Variants in RGS9 observed in about 807,000 individuals in gnomAD.
RGS9 encodes the protein regulator of G-protein signalling 9.
A neutral mutation model predicts 102.0 loss-of-function variants in RGS9; 78 were observed. That is an observed-to-expected ratio of 0.76 (90% CI 0.64 to 0.92). RGS9 has a LOEUF of 0.92. Among genes scored for constraint, RGS9 ranks in the 40% least tolerant of loss-of-function variants. The pLI is 0.00. For synonymous variants in RGS9, 353 were observed against 318.6 expected, an observed-to-expected ratio of 1.11 and a Z score of -1.15; for missense variants, 833 against 866.1, an observed-to-expected ratio of 0.96 and a Z score of 0.48.
At chr17:65,225,620 C>A (rs1223505942) in intron 18 of RGS9, 134 bp downstream of exon 18, 1 of 1,288,580 alleles carries the variant, frequency 7.8e-7, no homozygotes, top group Non-Finnish European at 1.1e-6. Context: ...CACTCAGATC[C>A]CTTGGCCACT....
intron 17 of RGS9, among the ~76,000 whole-genome samples, chr17:65,224,790 G>A (rs998873057): frequency 2.0e-5 from 3 of 152,184 alleles, no homozygotes; most frequent in South Asian, 2.1e-4. Context: ...AGGGCTGGGC[G>A]ACAGGCAGGT....
intron 12 of RGS9, among the ~76,000 whole-genome samples, chr17:65,195,407 G>A (rs1370643403): frequency 6.6e-6 from 1 of 152,122 alleles, no homozygotes; most frequent in Non-Finnish European, 1.5e-5. Context: ...AAAGTGGGAA[G>A]CCCTGTTCTT....
At chr17:65,143,845 C>CTTAG (rs1314142108) in intron 1 of RGS9, among the ~76,000 whole-genome samples, 2 of 148,688 alleles carry the variant, frequency 1.3e-5, no homozygotes, top group Non-Finnish European at 3.0e-5. Context: ...TGCCTGTAGT[C>CTTAG]TTAGCTATGG....
At chr17:65,187,740 G>T (rs539026516) in intron 9 of RGS9, among the ~76,000 whole-genome samples, 1 of 152,212 alleles carries the variant, frequency 6.6e-6, no homozygotes, top group Admixed American at 6.5e-5. Flanking sequence ...GCTCACGCCT[G>T]TAATCCCAGC....
At chr17:65,160,734 G>A (rs1598571921) in intron 5 of RGS9, 117 bp from the exon 6 acceptor site, 2 of 1,381,942 alleles carry the variant, frequency 1.4e-6, no homozygotes, top group East Asian at 2.3e-5. Context: ...GGGGCAAGGG[G>A]CTGGGTGTGC....
intron 8 of RGS9, among the ~76,000 whole-genome samples, chr17:65,169,139 T>C (rs1224645436): frequency 6.6e-6 from 1 of 152,204 alleles, no homozygotes; most frequent in African/African-American, 2.4e-5. Flanking sequence ...GAGTGAGGCC[T>C]GGTGTCAGAG....
intron 11 of RGS9, among the ~76,000 whole-genome samples, chr17:65,192,173 C>T (rs986993470): frequency 2.0e-5 from 3 of 152,140 alleles, no homozygotes; most frequent in Non-Finnish European, 4.4e-5. Context: ...TTAGCATATC[C>T]ATCATCTCAA....
rs149130785 is a variant in RGS9 at position 65,214,965 on chromosome 17, C to T, written c.1407+4360C>T. Among the ~76,000 whole-genome samples the T allele has an allele frequency of 5.9e-5, 9 of 152,272 alleles. No individual in the cohort carries two copies. The East Asian group carries it at 1.3e-3, about 23-fold the overall frequency. On this transcript the variant is annotated intron_variant, in intron 17 of 18. Transcript: ENST00000262406. Reference sequence around the variant, plus strand: ...TCTGTCTGTGAATGCTGCACTGTATCGAAACATTGTTTATGTGTCTTTTTC... The same window carrying T: ...TCTGTCTGTGAATGCTGCACTGTATTGAAACATTGTTTATGTGTCTTTTTC...
chr17:65,137,567 G>C lies in RGS9; in HGVS notation c.27G>C (p.Gln9His). MTIRHQGQ[Q>H]YRPRMAFLQK... The stretch of plus-strand genomic sequence containing the variant: ...TGACAATCCGACACCAAGGCCAGCA[G>C]TACAGGCCGAGGATGGCATTTCTCC... Residue 9 changes from glutamine (Q) to histidine (H), a missense_variant, in exon 1 of 19, where the codon CAG becomes CAC. By Grantham distance (24) the Gln-to-His change is conservative (BLOSUM62 0). Transcript: ENST00000262406. The C allele has an allele frequency of 1.9e-6, 3 of 1,613,002 alleles. No individual in the cohort carries two copies. The highest frequency in any genetic ancestry group is 2.5e-6 in the Non-Finnish European group (3 of 1,180,002).
intron 12 of RGS9, among the ~76,000 whole-genome samples, chr17:65,196,325 G>A (rs1912583898): frequency 6.6e-6 from 1 of 152,240 alleles, no homozygotes. Context: ...GACATGAATT[G>A]TGCCTGGTTC....
At chr17:65,199,210 G>A (rs1447761782) in intron 13 of RGS9, among the ~76,000 whole-genome samples, 6 of 152,168 alleles carry the variant, frequency 3.9e-5, no homozygotes, top group Admixed American at 6.5e-5. Flanking sequence ...AGGGGTTTTA[G>A]TGTATTCACT....
chr17:65,208,845 A>AAAC (rs938024090), intron 16 of RGS9, among the ~76,000 whole-genome samples: 3 of 152,050 alleles, frequency 2.0e-5, no homozygotes, highest in Admixed American at 6.5e-5. Context: ...AAAGGAGAAA[A>AAAC]AACAACAACA....
At chr17:65,190,418 C>T (rs528448162) in intron 11 of RGS9, among the ~76,000 whole-genome samples, 182 bp downstream of exon 11, 21 of 152,288 alleles carry the variant, frequency 1.4e-4, no homozygotes, top group African/African-American at 5.1e-4. Flanking sequence ...CTCCGGGTCT[C>T]ATCTTGGGTT....
intron 11 of RGS9, among the ~76,000 whole-genome samples, chr17:65,190,966 G>A (rs1271664173): frequency 6.6e-6 from 1 of 152,158 alleles, no homozygotes; most frequent in South Asian, 2.1e-4. Flanking sequence ...ATGCTGTTTT[G>A]TTTAGTGCCT....
At chr17:65,147,121 C>T (rs71379922) in intron 1 of RGS9, among the ~76,000 whole-genome samples, 7,559 of 152,258 alleles carry the variant, frequency 0.05, 237 homozygotes, top group Non-Finnish European at 0.077. Flanking sequence ...GACCCAGTGA[C>T]CTCAGATGCT....
intron 16 of RGS9, among the ~76,000 whole-genome samples, chr17:65,208,804 A>G (rs1171374513): frequency 6.6e-6 from 1 of 152,174 alleles, no homozygotes; most frequent in Non-Finnish European, 1.5e-5. Context: ...CATCAATTCA[A>G]AAGGGGGATG....
In RGS9 at chr17:65,199,785, C is replaced by T. The variant is rs1020184994; in HGVS notation, c.977-2208C>T. On this transcript the variant is annotated intron_variant, in intron 13 of 18. Coordinates refer to ENST00000262406, the MANE Select transcript of RGS9 (RefSeq NM_003835.4). ...CTGGGATTACAGGCGTGAGCCACTG[C>T]GCCTGGCCACGTGGTTCCTTTTTAA... Among the ~76,000 whole-genome samples, 84 of 151,898 alleles carry T rather than the reference C, an allele frequency of 5.5e-4. 2 individuals are homozygous for T. The highest frequency in any genetic ancestry group is 2.1e-4 in the South Asian group (1 of 4,818).
At chr17:65,183,031 T>A (rs1388034382) in intron 9 of RGS9, among the ~76,000 whole-genome samples, 1 of 149,448 alleles carries the variant, frequency 6.7e-6, no homozygotes, top group East Asian at 1.9e-4. Flanking sequence ...CCAAGACTCC[T>A]TAGACAGCTG....
At chr17:65,212,248 G>A (rs150778982) in intron 17 of RGS9, among the ~76,000 whole-genome samples, 4 of 152,198 alleles carry the variant, frequency 2.6e-5, no homozygotes, top group Non-Finnish European at 5.9e-5. Flanking sequence ...GTCTCATGGC[G>A]AAAGATGGAT....
Sources: gnomAD v4.1 joint callset for allele counts (sites outside exome capture counted in the v4.1 genomes callset) on GRCh38, gnomAD v4.1.1 for gene constraint, MANE v1.5 for transcripts, NCBI Gene and HGNC (gene_info 2026-07-23, HGNC 2026-07-21) for gene names.